BRD4: variants seen among roughly 807,000 people sequenced by gnomAD.
BRD4 encodes bromodomain-containing protein 4.
In BRD4, 16 loss-of-function variants were observed where a neutral mutation model predicts 142.1. That is an observed-to-expected ratio of 0.11 (90% confidence interval 0.08 to 0.17). The LOEUF (loss-of-function observed/expected upper bound fraction) is 0.17, where lower values mean the gene tolerates loss of function less well. Ranked by LOEUF, BRD4 falls within the 10% of genes least tolerant of loss-of-function variation. BRD4 has a pLI of 1.00. For synonymous variants in BRD4, 833 were observed against 707.5 expected (o/e 1.18, Z -2.82); for missense variants, 1,424 against 1,810.9 (o/e 0.79, Z 3.88).
chr19:15,322,122 A>C (rs2048066604), intron 1 of BRD4, among the ~76,000 whole-genome samples: 1 of 152,114 alleles, frequency 6.6e-6, no homozygotes, highest in African/African-American at 2.4e-5. Flanking sequence ...TAAGAAACAC[A>C]TTTTATCATG....
intron 1 of BRD4, among the ~76,000 whole-genome samples, chr19:15,320,776 A>G (rs1027932924): frequency 6.6e-6 from 1 of 152,186 alleles, no homozygotes; most frequent in African/African-American, 2.4e-5. Context: ...TTCTACGAAA[A>G]TATTTGGGAT....
At chr19:15,267,387 C>A (rs1292690916) in intron 4 of BRD4, 29 bp downstream of exon 4, 10 of 1,608,446 alleles carry the variant, frequency 6.2e-6, no homozygotes, top group Non-Finnish European at 8.5e-6. Flanking sequence ...GGGGAGAAAG[C>A]CAATTTACTT....
intron 4 of BRD4, among the ~76,000 whole-genome samples, 167 bp downstream of exon 4, chr19:15,267,249 C>T (rs2047543291): frequency 6.6e-6 from 1 of 152,128 alleles, no homozygotes; most frequent in Admixed American, 6.5e-5. Flanking sequence ...GCCACATGAC[C>T]CTATGGGATG....
intron 7 of BRD4, among the ~76,000 whole-genome samples, chr19:15,260,798 C>CAAAA (rs34986127): frequency 1.7e-4 from 13 of 77,828 alleles, no homozygotes; most frequent in African/African-American, 5.7e-4. Flanking sequence ...GAGAAAAATG[C>CAAAA]AAAAAAAAAA....
intron 1 of BRD4, among the ~76,000 whole-genome samples, chr19:15,325,181 C>T (rs2048096457): frequency 6.6e-6 from 1 of 152,222 alleles, no homozygotes; most frequent in Non-Finnish European, 1.5e-5. Flanking sequence ...TCATTTTAAC[C>T]TCATCTGAAA....
chr19:15,313,053 G>C (rs1599519246), intron 1 of BRD4, among the ~76,000 whole-genome samples: 1 of 151,682 alleles, frequency 6.6e-6, no homozygotes, highest in African/African-American at 2.4e-5. Context: ...GCTTGGATGA[G>C]GGAGACCCTG....
rs1289643683 is a variant in BRD4 at position 15,237,737 on chromosome 19, G to C, written c.*640C>G. 2 of 232,750 alleles carry C rather than the reference G, an allele frequency of 8.6e-6. No homozygotes were observed. Among genetic ancestry groups the C allele is most frequent in the Non-Finnish European group, 1.7e-5 (2 of 117,854 alleles). The allele number at this position is 232,750 out of a possible 1,614,324, so 14.4% of individuals were successfully genotyped here. A position where few individuals can be genotyped will look rare whatever the true frequency, so the allele number is the denominator to read the frequency against. The stretch of plus-strand genomic sequence containing the variant: ...CACGCAGGACAGTCGCCTCGCTCCG[G>C]ATGCCATGGACACACACACCTCCAC... On this transcript the variant is annotated 3_prime_UTR_variant, in exon 20 of 20. Transcript: ENST00000679869.
At chr19:15,302,006 A>C (rs961407094) in intron 1 of BRD4, among the ~76,000 whole-genome samples, 3 of 152,072 alleles carry the variant, frequency 2.0e-5, no homozygotes, top group Non-Finnish European at 2.9e-5. Context: ...ATCTGCACTA[A>C]AAATACAAAA....
intron 11 of BRD4, chr19:15,247,641 G>C (rs2047302429): frequency 4.3e-6 from 1 of 233,032 alleles, no homozygotes; most frequent in Non-Finnish European, 8.5e-6. Flanking sequence ...CAAGAAAGCA[G>C]AATCTTCCCA....
At chr19:15,326,594 AT>A (rs2048110378) in intron 1 of BRD4, among the ~76,000 whole-genome samples, 1 of 152,250 alleles carries the variant, frequency 6.6e-6, no homozygotes, top group Non-Finnish European at 1.5e-5. Flanking sequence ...TTAAGAGATC[AT>A]TTTTAACCAT....
At chr19:15,255,179 A>C in intron 10 of BRD4, 118 bp downstream of exon 10, 1 of 1,009,150 alleles carries the variant, frequency 9.9e-7, no homozygotes, top group Non-Finnish European at 1.4e-6. Flanking sequence ...GAACACAGAT[A>C]TTATAATTGG....
intron 14 of BRD4, 70 bp downstream of exon 14, chr19:15,242,830 T>C (rs1205659522): frequency 6.5e-7 from 1 of 1,549,336 alleles, no homozygotes; most frequent in African/African-American, 1.4e-5. Flanking sequence ...TTAACCCTTC[T>C]GGCTTCCTGA....
intron 14 of BRD4, among the ~76,000 whole-genome samples, chr19:15,242,650 C>T (rs1043501451): frequency 5.9e-5 from 9 of 152,158 alleles, no homozygotes; most frequent in East Asian, 1.9e-4. Flanking sequence ...CTAGCATTGT[C>T]GTGCTCCTGA....
chr19:15,317,321 G>C (rs2048025598), intron 1 of BRD4, among the ~76,000 whole-genome samples: 2 of 152,172 alleles, frequency 1.3e-5, no homozygotes, highest in African/African-American at 2.4e-5. Context: ...CAAGCTCAGG[G>C]TCTGGGGAGG....
intron 1 of BRD4, among the ~76,000 whole-genome samples, chr19:15,284,513 C>T (rs953942219): frequency 6.6e-6 from 1 of 152,164 alleles, no homozygotes; most frequent in Non-Finnish European, 1.5e-5. Context: ...TTTACAGAAG[C>T]CTTTGATGGT....
chr19:15,303,295 C>T (rs1037328885), intron 1 of BRD4, among the ~76,000 whole-genome samples: 3 of 152,240 alleles, frequency 2.0e-5, no homozygotes, highest in South Asian at 2.1e-4. Context: ...TAGAACAAAG[C>T]TACTGTTTAC....
intron 1 of BRD4, among the ~76,000 whole-genome samples, chr19:15,308,573 CGA>C (rs1325791146): frequency 6.8e-6 from 1 of 146,170 alleles, no homozygotes. Context: ...GGCAACAGAG[CGA>C]GAGTCTACCT....
In BRD4 at chr19:15,239,037, C is replaced by A. The variant is rs1244071967; in HGVS notation, c.3782+22G>T. The A allele has an allele frequency of 6.3e-7, 1 of 1,580,728 alleles. No individual in the cohort carries two copies. The highest frequency in any genetic ancestry group is 8.6e-7 in the Non-Finnish European group (1 of 1,167,216). On this transcript the variant is annotated intron_variant, in intron 18 of 19. Transcript: ENST00000679869. This position sits in a 1 kb window ranked among gnomAD's most constrained non-coding sequence, Gnocchi z 7.4. ...TGGTGTGGCCCCAAGAGTCCCCATG[C>A]CCCACCCAGACACCCGCCCACCTCA...
At chr19:15,330,157 T>C (rs978580245) in intron 1 of BRD4, among the ~76,000 whole-genome samples, 1 of 152,204 alleles carries the variant, frequency 6.6e-6, no homozygotes, top group African/African-American at 2.4e-5. Flanking sequence ...AGCAAGATAC[T>C]CGGAGGTGGA....
Sources: gnomAD v4.1 joint callset for allele counts (sites outside exome capture counted in the v4.1 genomes callset) on GRCh38, gnomAD v4.1.1 for gene constraint, Gnocchi (gnomAD v3.1) non-coding constraint, MANE v1.5 for transcripts, NCBI Gene and HGNC (gene_info 2026-07-23, HGNC 2026-07-21) for gene names.